Variants in PRUNE2 observed in about 807,000 individuals in gnomAD.
The protein encoded by PRUNE2 is protein prune homolog 2.
PRUNE2 carries 164 observed loss-of-function variants against 252.0 expected under a neutral mutation model. The ratio of observed to expected loss-of-function variants is 0.65; its 90% CI spans 0.57 to 0.74. The LOEUF (loss-of-function observed/expected upper bound fraction) is 0.74, where lower values mean the gene tolerates loss of function less well. Among genes scored for constraint, PRUNE2 ranks in the 30% least tolerant of loss-of-function variants. The pLI is 0.00. For missense variants in PRUNE2, 3,495 were observed against 3,711.0 expected (o/e 0.94, Z 1.51); for synonymous variants, 1,292 against 1,350.2 (o/e 0.96, Z 0.94).
At chr9:76,626,744 G>A (rs1834968987) in intron 16 of PRUNE2, among the ~76,000 whole-genome samples, 1 of 152,190 alleles carries the variant, frequency 6.6e-6, no homozygotes. Context: ...TGCGAACTCT[G>A]TGCTGGGAGG....
intron 6 of PRUNE2, among the ~76,000 whole-genome samples, chr9:76,804,420 A>C (rs2056789686): frequency 6.6e-6 from 1 of 152,212 alleles, no homozygotes; most frequent in Non-Finnish European, 1.5e-5. Context: ...TGAGAGGTTT[A>C]AAAGCAGTGT....
chr9:76,785,214 TCTTC>T (rs1177147948), intron 6 of PRUNE2: 1 of 152,344 alleles, frequency 6.6e-6, no homozygotes, highest in East Asian at 1.9e-4. Flanking sequence ...CCTGAGAAGC[TCTTC>T]CTTGTCTCTT....
intron 6 of PRUNE2, chr9:76,788,656 C>T (rs570580404): frequency 3.3e-6 from 2 of 603,276 alleles, no homozygotes; most frequent in Admixed American, 2.8e-5. Context: ...ATTATCATCA[C>T]TATTCCAATT....
intron 18 of PRUNE2, among the ~76,000 whole-genome samples, chr9:76,615,602 T>G (rs1164938032): frequency 6.6e-6 from 1 of 152,172 alleles, no homozygotes; most frequent in Non-Finnish European, 1.5e-5. Context: ...TCTCTAAGTT[T>G]CCATTTCTGT....
chr9:76,658,873 C>T (rs1477505879), intron 9 of PRUNE2, among the ~76,000 whole-genome samples: 3 of 152,244 alleles, frequency 2.0e-5, no homozygotes, highest in Non-Finnish European at 4.4e-5. Flanking sequence ...TATTGATCTT[C>T]ACCAAGTATT....
chr9:76,781,693 A>T (rs965347572), intron 6 of PRUNE2, among the ~76,000 whole-genome samples: 1 of 152,150 alleles, frequency 6.6e-6, no homozygotes, highest in Admixed American at 6.5e-5. Context: ...TCCTGACTAA[A>T]CTGAAAGCTC....
chr9:76,625,015 G>T (rs1422964656), intron 16 of PRUNE2: 1 of 1,302,200 alleles, frequency 7.7e-7, no homozygotes. Context: ...GAGATCAGGA[G>T]ATTTTACCTC....
intron 4 of PRUNE2, among the ~76,000 whole-genome samples, chr9:76,830,708 G>T (rs1015051974): frequency 6.6e-6 from 1 of 151,128 alleles, no homozygotes; most frequent in Non-Finnish European, 1.5e-5. Context: ...CCCAAATCAG[G>T]ATAAAGACAA....
chr9:76,791,766 T>C (rs2055570773), intron 6 of PRUNE2, among the ~76,000 whole-genome samples: 1 of 152,088 alleles, frequency 6.6e-6, no homozygotes, highest in East Asian at 1.9e-4. Context: ...AGGAGTACAA[T>C]GGATTTGGAA....
intron 4 of PRUNE2, among the ~76,000 whole-genome samples, chr9:76,841,214 T>G (rs867991843): frequency 6.6e-6 from 1 of 151,304 alleles, no homozygotes; most frequent in South Asian, 2.1e-4. Context: ...GCACAAGGGG[T>G]CGGGGAACTC....
chr9:76,694,058 G>A (rs2045114718), intron 9 of PRUNE2, among the ~76,000 whole-genome samples: 1 of 152,190 alleles, frequency 6.6e-6, no homozygotes, highest in African/African-American at 2.4e-5. Context: ...CTGAAAATGG[G>A]GATCTTGTCT....
intron 9 of PRUNE2, among the ~76,000 whole-genome samples, chr9:76,674,600 C>T (rs1440947991): frequency 1.1e-3 from 165 of 150,326 alleles, no homozygotes; most frequent in Non-Finnish European, 2.0e-3. Context: ...GAGCCCGCAT[C>T]GCCAAGTCAA....
intron 6 of PRUNE2, among the ~76,000 whole-genome samples, chr9:76,816,469 C>T (rs2057125119): frequency 6.6e-6 from 1 of 152,110 alleles, no homozygotes; most frequent in South Asian, 2.1e-4. Flanking sequence ...CTCTTTTATC[C>T]TGCTAATGTC....
chr9:76,616,011 G>A (rs975335459), intron 18 of PRUNE2, among the ~76,000 whole-genome samples: 4 of 151,878 alleles, frequency 2.6e-5, no homozygotes, highest in African/African-American at 7.3e-5. Context: ...CTCGTGATCC[G>A]CCCACTTCAG....
At chr9:76,847,602 G>C (rs192714931) in intron 3 of PRUNE2, among the ~76,000 whole-genome samples, 15 of 152,252 alleles carry the variant, frequency 9.9e-5, no homozygotes, top group Admixed American at 9.8e-4. Flanking sequence ...AGTCACCGTG[G>C]TGTAGAGAAA....
At chr9:76,901,882 A>G (rs1388683513) in intron 1 of PRUNE2, among the ~76,000 whole-genome samples, 1 of 152,212 alleles carries the variant, frequency 6.6e-6, no homozygotes, top group African/African-American at 2.4e-5. Flanking sequence ...TGTTGAAAAC[A>G]GCATTCCTGG....
chr9:76,903,977 C>G (rs1031616982), intron 1 of PRUNE2, among the ~76,000 whole-genome samples: 1 of 152,192 alleles, frequency 6.6e-6, no homozygotes, highest in African/African-American at 2.4e-5. Context: ...TATCTACCCT[C>G]TAAAGGAGAA....
chr9:76,850,683 G>A lies in PRUNE2; in HGVS notation c.142-18C>T. 6.4e-7 allele frequency: 1 copy of A among 1,566,762 alleles called. No individual in the cohort carries two copies. The highest frequency in any genetic ancestry group is 2.2e-5 in the East Asian group (1 of 44,572). On this transcript the variant is annotated intron_variant, in intron 2 of 18. Transcript: ENST00000376718. ...GGACTGACCTACCAAGAAAAAAGTTGACTGAATTACTGAAAATAGCAGGAG... is the reference window on the plus strand; with the variant it reads ...GGACTGACCTACCAAGAAAAAAGTTAACTGAATTACTGAAAATAGCAGGAG...
At chr9:76,641,283 AGCAG>A (rs550484100) in intron 12 of PRUNE2, among the ~76,000 whole-genome samples, 2,020 of 152,262 alleles carry the variant, frequency 0.013, 46 homozygotes, top group African/African-American at 0.046. Flanking sequence ...AGGCAAAAAG[AGCAG>A]GAAGAAAGTA....
Sources: allele counts gnomAD v4.1 joint callset (sites outside exome capture counted in the v4.1 genomes callset), GRCh38; gene constraint gnomAD v4.1.1; transcripts MANE v1.5; gene names NCBI Gene and HGNC (gene_info 2026-07-23, HGNC 2026-07-21).